The following YJU2B variants were observed in gnomAD, a reference collection of about 807,000 sequenced individuals.
YJU2B encodes probable splicing factor YJU2B.
Under a neutral mutation model 38.0 loss-of-function variants are expected in YJU2B, and 18 were observed. The ratio of observed to expected loss-of-function variants is 0.47; its 90% CI spans 0.33 to 0.70. The LOEUF (loss-of-function observed/expected upper bound fraction) is 0.70, where lower values mean the gene tolerates loss of function less well. YJU2B is among the 30% of genes least tolerant of loss of function. YJU2B has a pLI of 0.02. For synonymous variants in YJU2B, 246 were observed against 225.4 expected (o/e 1.09, Z -0.82); for missense variants, 538 against 556.3 (o/e 0.97, Z 0.33).
chr19:13,762,533 G>A (rs1453965967), intron 9 of YJU2B, 57 bp from the exon 10 acceptor site: 1 of 1,551,468 alleles, frequency 6.4e-7, no homozygotes, highest in African/African-American at 1.4e-5. Context: ...GTCTACCAGA[G>A]GGCAGTTCTG....
At chr19:13,756,418 T>C (rs1280716526) in intron 4 of YJU2B, 139 bp downstream of exon 4, 5 of 680,928 alleles carry the variant, frequency 7.3e-6, no homozygotes, top group African/African-American at 7.1e-5. Flanking sequence ...AGTCAGTTAT[T>C]GCCGTGTGAC....
intron 4 of YJU2B, 100 bp from the exon 5 acceptor site, chr19:13,757,318 C>A (rs1340148640): frequency 3.3e-6 from 3 of 909,082 alleles, no homozygotes; most frequent in Non-Finnish European, 5.4e-6. Context: ...AGTCTAATAC[C>A]CCACCCCTCA....
rs768454832 is a variant in YJU2B at position 13,762,876 on chromosome 19, C to T, written c.999C>T (p.Pro333=). 1.8e-5 allele frequency: 29 copies of T among 1,610,082 alleles called. No individual in the cohort carries two copies. Among genetic ancestry groups the T allele is most frequent in the Non-Finnish European group, 2.2e-5 (26 of 1,179,014 alleles). ...CTGCCCAGGACCGGCCCATGTCCCC[C>T]GGAGACTGTCCTCCGGAAACAACTG... ...EEAAQDRPMS[P]GDCPPETTET... The change falls in exon 10 of 10, where the codon CCC becomes CCT. Residue 333 remains proline, a synonymous_variant. Transcript: ENST00000221554.
At chr19:13,742,294 C>CTTTTTTTTTTTTTT (rs552865402) in intron 2 of YJU2B, among the ~76,000 whole-genome samples, 10 of 111,976 alleles carry the variant, frequency 8.9e-5, no homozygotes, top group African/African-American at 2.5e-4. Flanking sequence ...TTGAGTCCCA[C>CTTTTTTTTTTTTTT]TTTTTTTTTT....
At position 13,755,090 on chromosome 19, in the gene YJU2B, G is replaced by A. The variant is rs753295061; in HGVS notation, c.57+748G>A. On this transcript the variant is annotated intron_variant, in intron 3 of 9. Coordinates refer to ENST00000221554, the MANE Select transcript of YJU2B (RefSeq NM_030818.4). ...GAGGTGGGAGGATTGCTTGAGCCCA[G>A]GAGGTGGAGACTGCAGTGAGTCATA... Among the ~76,000 whole-genome samples the A allele has an allele frequency of 9.9e-5, 15 of 151,716 alleles. No individual in the cohort carries two copies. The South Asian group carries it at 1.9e-3, about 19-fold the overall frequency.
At chr19:13,750,589 T>A (rs1453800139) in intron 1 of YJU2B, among the ~76,000 whole-genome samples, 1 of 152,110 alleles carries the variant, frequency 6.6e-6, no homozygotes, top group Non-Finnish European at 1.5e-5. Flanking sequence ...CTGGGTGCAG[T>A]GGCTTGTGCC....
chr19:13,732,440 G>A (rs944135168), intron 2 of YJU2B: 1 of 151,978 alleles, frequency 6.6e-6, no homozygotes, highest in East Asian at 1.9e-4. Context: ...TTGGACTTAG[G>A]AGCTCAAAGA....
chr19:13,762,900 T>C lies in YJU2B; in HGVS notation c.1023T>C (p.Thr341=). 1 of 1,611,558 alleles carries C rather than the reference T, an allele frequency of 6.2e-7. No homozygotes were observed. The highest frequency in any genetic ancestry group is 1.1e-5 in the South Asian group (1 of 90,914). ...CCGGAGACTGTCCTCCGGAAACAAC[T>C]GAGACCCCCAAGTGCAGCAGCCCGA... ...MSPGDCPPET[T]ETPKCSSPRG... The change falls in exon 10 of 10, where the codon ACT becomes ACC. Residue 341 remains threonine, a synonymous_variant. Coordinates refer to ENST00000221554, the MANE Select transcript of YJU2B (RefSeq NM_030818.4).
Position 13,757,479 on chromosome 19 carries a change from C to G in YJU2B, c.196+6C>G, listed in dbSNP as rs749013073. ...CAAGAACCACATCGGCATGGGTGAG[C>G]CTCTGCCCACCCTCCATTCAGTCCT... On this transcript the variant is annotated splice_donor_region_variant and intron_variant, in intron 5 of 9. Coordinates refer to ENST00000221554, the MANE Select transcript of YJU2B (RefSeq NM_030818.4). 1.2e-6 allele frequency: 2 copies of G among 1,612,778 alleles called. No individual in the cohort carries two copies. The highest frequency in any genetic ancestry group is 1.1e-5 in the South Asian group (1 of 91,042).
intron 2 of YJU2B, among the ~76,000 whole-genome samples, chr19:13,735,499 T>C (rs1972919356): frequency 1.3e-5 from 2 of 151,948 alleles, no homozygotes. Flanking sequence ...CCAGAAGTTA[T>C]TGAAGCCGCC....
rs1973923119 is a variant in YJU2B, at chr19:13,762,360, G to A, written c.635G>A (p.Ser212Asn). Residue 212 changes from serine (S) to asparagine (N), a missense_variant, in exon 9 of 10, where the codon AGC (serine) becomes AAC (asparagine). By Grantham distance (46) the Ser-to-Asn change is conservative. Transcript: ENST00000221554. Reference sequence around the variant, plus strand: ...GACCAGGCCTTGCAGGCCAAGGCGAGCCTGACCATCCCGCTGGTGCCCGAG... The same window carrying A: ...GACCAGGCCTTGCAGGCCAAGGCGAACCTGACCATCCCGCTGGTGCCCGAG... ...ERDQALQAKASLTIPLVPETE... is the reference protein window; with the variant it reads ...ERDQALQAKANLTIPLVPETE... 6.2e-7 allele frequency: 1 copy of A among 1,614,004 alleles called. No homozygotes were observed. Among genetic ancestry groups the A allele is most frequent in the Non-Finnish European group, 8.5e-7 (1 of 1,180,024 alleles).
chr19:13,751,524 G>A (rs957670426), intron 1 of YJU2B, 84 bp from the exon 2 acceptor site: 6 of 458,520 alleles, frequency 1.3e-5, no homozygotes, highest in South Asian at 3.3e-5. Context: ...TGCTGGACCC[G>A]GTGGGGGCCA....
chr19:13,750,749 C>A (rs1301971609), intron 1 of YJU2B, among the ~76,000 whole-genome samples: 1 of 150,656 alleles, frequency 6.6e-6, no homozygotes, highest in East Asian at 2.0e-4. Flanking sequence ...GTAATCCCAG[C>A]TACTCAGGAG....
intron 2 of YJU2B, among the ~76,000 whole-genome samples, chr19:13,739,540 G>A (rs980986779): frequency 6.6e-6 from 1 of 152,192 alleles, no homozygotes; most frequent in African/African-American, 2.4e-5. Context: ...ATGTGTGGTT[G>A]TGGTTGGAAC....
upstream of YJU2B, among the ~76,000 whole-genome samples, chr19:13,743,361 CCTG>C (rs1391343467): frequency 2.0e-5 from 3 of 152,070 alleles, no homozygotes; most frequent in Non-Finnish European, 2.9e-5. Flanking sequence ...GGGAGGATTA[CCTG>C]AGGTCAGGAG....
rs1973979130 is a variant in YJU2B at position 13,763,048 on chromosome 19, T to C, written c.1171T>C (p.Ser391Pro). 2 of 1,563,384 alleles carry C rather than the reference T, an allele frequency of 1.3e-6. No homozygotes were observed. The highest frequency in any genetic ancestry group is 1.4e-5 in the African/African-American group (1 of 73,592). The change falls in exon 10 of 10, where the codon TCC becomes CCC. Residue 391 changes from serine (S) to proline (P), a missense_variant. Coordinates refer to ENST00000221554, the MANE Select transcript of YJU2B (RefSeq NM_030818.4). Reference sequence around the variant, plus strand: ...CGGCTCCTCCCTCGTGGCGGACTACTCCGACTCGGAGAGTGAGTGAGCGAT... The same window carrying C: ...CGGCTCCTCCCTCGTGGCGGACTACCCCGACTCGGAGAGTGAGTGAGCGAT... The part of the protein sequence containing the change: ...SLGSSLVADY[S>P]DSESE
At chr19:13,739,291 A>G (rs931244142) in intron 2 of YJU2B, among the ~76,000 whole-genome samples, 1 of 152,108 alleles carries the variant, frequency 6.6e-6, no homozygotes, top group Non-Finnish European at 1.5e-5. Context: ...GACTACAGGT[A>G]CATGCCACCA....
At chr19:13,754,945 G>A (rs1023212039) in intron 3 of YJU2B, among the ~76,000 whole-genome samples, 5 of 152,056 alleles carry the variant, frequency 3.3e-5, no homozygotes, top group East Asian at 1.9e-4. Context: ...CAGCTGCCTC[G>A]TCCTGAGTAT....
At position 13,762,668 on chromosome 19, in the gene YJU2B, CCAG is replaced by C. The variant is rs1364995401; in HGVS notation, c.797_799del (p.Ser266del). On this transcript the variant is annotated inframe_deletion, in exon 10 of 10. Transcript: ENST00000221554. Reference sequence around the variant, plus strand: ...TTCCCCTCTGCCCCCGGATCCGCCTCCAGCAGCAAGGTCAGCGGCGTCCTGAAG... The same window carrying C: ...TTCCCCTCTGCCCCCGGATCCGCCTCCAGCAAGGTCAGCGGCGTCCTGAAG... The C allele has an allele frequency of 6.3e-7, 1 of 1,587,106 alleles. No individual in the cohort carries two copies. Among genetic ancestry groups the C allele is most frequent in the Non-Finnish European group, 8.5e-7 (1 of 1,172,282 alleles).
Sources: allele counts gnomAD v4.1 joint callset (sites outside exome capture counted in the v4.1 genomes callset), GRCh38; gene constraint gnomAD v4.1.1; transcripts MANE v1.5; gene names NCBI Gene and HGNC (gene_info 2026-07-23, HGNC 2026-07-21).